PEAK1: variants seen among roughly 807,000 people sequenced by gnomAD.
The protein encoded by PEAK1 is pseudopodium enriched atypical kinase 1.
In PEAK1, 54 loss-of-function variants were observed where a neutral mutation model predicts 124.7. That is an observed-to-expected ratio of 0.43 (90% CI 0.35 to 0.54). PEAK1 has a LOEUF of 0.54. Among genes scored for constraint, PEAK1 ranks in the 20% least tolerant of loss-of-function variants. The pLI is 0.01. For missense variants in PEAK1, 2,046 were observed against 2,134.5 expected (o/e 0.96, Z 0.82); for synonymous variants, 719 against 760.0 (o/e 0.95, Z 0.89).
At chr15:77,202,532 C>T (rs1193286896) in intron 6 of PEAK1, among the ~76,000 whole-genome samples, 3 of 152,030 alleles carry the variant, frequency 2.0e-5, no homozygotes, top group Admixed American at 6.6e-5. Context: ...TTTGGGAATC[C>T]GAGGTGGGCG....
chr15:77,322,537 G>T (rs1287623683), intron 2 of PEAK1, among the ~76,000 whole-genome samples: 1 of 152,150 alleles, frequency 6.6e-6, no homozygotes, highest in Non-Finnish European at 1.5e-5. Flanking sequence ...ACAAGAAATG[G>T]ATAAATTCCT....
chr15:77,372,598 C>CT (rs1360391167), intron 1 of PEAK1, among the ~76,000 whole-genome samples: 4 of 152,164 alleles, frequency 2.6e-5, no homozygotes, highest in Admixed American at 2.0e-4. Context: ...CCTATTCTAC[C>CT]TTTCCCTGTA....
At chr15:77,242,885 C>A (rs891887548) in intron 6 of PEAK1, among the ~76,000 whole-genome samples, 12 of 152,152 alleles carry the variant, frequency 7.9e-5, no homozygotes, top group African/African-American at 2.9e-4. Flanking sequence ...AACAATCATT[C>A]AGAAACACTG....
At chr15:77,170,573 A>G (rs905524425) in intron 7 of PEAK1, among the ~76,000 whole-genome samples, 3 of 152,146 alleles carry the variant, frequency 2.0e-5, no homozygotes, top group Admixed American at 2.0e-4. Flanking sequence ...CTCAGAATAG[A>G]TATCAGGGGG....
intron 1 of PEAK1, among the ~76,000 whole-genome samples, chr15:77,375,490 AAT>A (rs368908217): frequency 4.6e-5 from 7 of 152,322 alleles, no homozygotes; most frequent in African/African-American, 1.7e-4. Flanking sequence ...TATTCCAATG[AAT>A]GTGACTATCT....
At chr15:77,151,689 A>G (rs1350684800) in intron 8 of PEAK1, among the ~76,000 whole-genome samples, 3 of 152,088 alleles carry the variant, frequency 2.0e-5, no homozygotes, top group African/African-American at 7.2e-5. Flanking sequence ...ATTTTTGTAT[A>G]AGGTGTAAGG....
At chr15:77,265,641 C>T (rs957173443) in intron 5 of PEAK1, among the ~76,000 whole-genome samples, 2 of 151,780 alleles carry the variant, frequency 1.3e-5, no homozygotes, top group Non-Finnish European at 3.0e-5. Context: ...AATAGGAACA[C>T]TTTTACACTG....
chr15:77,101,007 G>A, exon 7 of PEAK1: 1 of 152,354 alleles, frequency 6.6e-6, no homozygotes, highest in Non-Finnish European at 1.5e-5. Flanking sequence ...GGAGGGAGGG[G>A]GTGCTTCGGG....
Position 77,181,662 on chromosome 15 carries a change from G to A in PEAK1, c.265C>T (p.Leu89Phe), listed in dbSNP as rs1189110189. ...TTCTCACAGTGTTCTTGGATGCTAA[G>A]CTCACCACATATACTTTGCCCATCT... Reference protein sequence around the residue: ...VADGQSICGELSIQEHCENKP... With the variant: ...VADGQSICGEFSIQEHCENKP... Residue 89 changes from leucine (L) to phenylalanine (F), a missense_variant, in exon 7 of 10, where the codon CTT (leucine) becomes TTT (phenylalanine). Transcript: ENST00000682557. 3 of 1,614,118 alleles carry A rather than the reference G, an allele frequency of 1.9e-6. No homozygotes were observed. The Admixed American group carries it at 5.0e-5, about 27-fold the overall frequency.
chr15:77,143,827 G>A (rs2053973380), intron 8 of PEAK1, among the ~76,000 whole-genome samples: 2 of 152,170 alleles, frequency 1.3e-5, no homozygotes, highest in Non-Finnish European at 2.9e-5. Flanking sequence ...TTTGCTCATT[G>A]AGGGAATGGA....
chr15:77,377,115 TGGC>T, intron 1 of PEAK1, among the ~76,000 whole-genome samples: 1 of 76,856 alleles, frequency 1.3e-5, no homozygotes, highest in Non-Finnish European at 3.7e-5. Context: ...CTGGGGGCAG[TGGC>T]TCATGCCTGT....
rs2051197620 is a variant in PEAK1 at position 77,114,686 on chromosome 15, G to A, written c.4711C>T (p.Leu1571Phe). 6.2e-7 allele frequency: 1 copy of A among 1,613,768 alleles called. No homozygotes were observed. The change falls in exon 10 of 10, where the codon CTC becomes TTC. Residue 1571 changes from leucine to phenylalanine, a missense_variant. Leu to Phe is a conservative substitution (Grantham distance 22). Coordinates refer to ENST00000682557, the MANE Select transcript of PEAK1 (RefSeq NM_001385026.1). ...QKSHLVDPEILRDQSRLAPEI... is the reference protein window; with the variant it reads ...QKSHLVDPEIFRDQSRLAPEI... ...GGGGCAAGGCGAGACTGGTCCCGGA[G>A]GATCTCGGGGTCCACCAGATGGCTC...
chr15:77,300,008 C>T (rs1207555729), intron 2 of PEAK1, among the ~76,000 whole-genome samples: 1 of 152,026 alleles, frequency 6.6e-6, no homozygotes, highest in Non-Finnish European at 1.5e-5. Context: ...AGATATAATC[C>T]CCTCATTCTT....
At chr15:77,152,429 T>G (rs62008367) in intron 8 of PEAK1, among the ~76,000 whole-genome samples, 11,595 of 152,108 alleles carry the variant, frequency 0.076, 547 homozygotes, top group Non-Finnish European at 0.1. Context: ...TCATGTCATC[T>G]GCAAACAGGG....
In PEAK1 at chr15:77,333,828, T is replaced by A. The variant is rs1056063667; in HGVS notation, c.-603+31335A>T. ...AGATTTATAAAAATCTTCTAATATA[T>A]GGTGGTGCAATTCCAACTTCATAAT... On this transcript the variant is annotated intron_variant, in intron 2 of 9. Coordinates refer to ENST00000682557, the MANE Select transcript of PEAK1 (RefSeq NM_001385026.1). 5 of 717,420 alleles carry A rather than the reference T, an allele frequency of 7.0e-6. No individual in the cohort carries two copies. In the African/African-American group the frequency reaches 9.6e-5, roughly 14 times the overall value. 44.4% of individuals were successfully genotyped at this position (717,420 alleles called of 1,614,324 possible).
intron 1 of PEAK1, chr15:77,370,806 C>T (rs373288006): frequency 1.8e-5 from 16 of 880,942 alleles, no homozygotes; most frequent in African/African-American, 1.5e-4. Context: ...CTGAAGCAGG[C>T]GGATAATGAG....
chr15:77,133,249 C>A lies in PEAK1; in HGVS notation c.3833G>T (p.Arg1278Leu). The change falls in exon 9 of 10, where the codon CGA becomes CTA. Residue 1278 changes from arginine to leucine, a missense_variant. Coordinates refer to ENST00000682557, the MANE Select transcript of PEAK1 (RefSeq NM_001385026.1). This position sits in a 1 kb window ranked among gnomAD's most constrained non-coding sequence, Gnocchi z 4.2. The part of the protein sequence containing the change: ...IQKPQRQALY[R>L]GLENREEVVG... ...TACTTCCTCCCGATTCTCAAGTCCT[C>A]GATAAAGTGCTTGTCTCTGCGGCTT... The A allele has an allele frequency of 6.2e-7, 1 of 1,614,210 alleles. No individual in the cohort carries two copies. The highest frequency in any genetic ancestry group is 1.7e-5 in the Admixed American group (1 of 60,028).
intron 6 of PEAK1, among the ~76,000 whole-genome samples, chr15:77,236,251 G>A (rs1291848122): frequency 1.3e-5 from 2 of 152,202 alleles, no homozygotes; most frequent in African/African-American, 4.8e-5. Flanking sequence ...GTGCCAGCCT[G>A]TGAAAGCAGC....
chr15:77,170,951 A>ACAGAC (rs1427549598), intron 7 of PEAK1, among the ~76,000 whole-genome samples: 1 of 152,180 alleles, frequency 6.6e-6, no homozygotes, highest in African/African-American at 2.4e-5. Context: ...CTAACTGGTC[A>ACAGAC]CAGACCAGAT....
Sources: gnomAD v4.1 joint callset for allele counts (sites outside exome capture counted in the v4.1 genomes callset) on GRCh38, gnomAD v4.1.1 for gene constraint, Gnocchi (gnomAD v3.1) non-coding constraint, MANE v1.5 for transcripts, NCBI Gene and HGNC (gene_info 2026-07-23, HGNC 2026-07-21) for gene names.